PDPK1: variants seen among roughly 807,000 people sequenced by gnomAD.
PDPK1 encodes 3-phosphoinositide-dependent protein kinase 1.
A neutral mutation model predicts 39.8 loss-of-function variants in PDPK1; 7 were observed. That is an observed-to-expected ratio of 0.18 (90% CI 0.10 to 0.33). The LOEUF (loss-of-function observed/expected upper bound fraction) is 0.33. Among genes scored for constraint, PDPK1 ranks in the 10% least tolerant of loss-of-function variants. The probability of loss-of-function intolerance (pLI) is 1.00; values close to 1 mark genes in which losing one functional copy is unlikely to be tolerated. For missense variants in PDPK1, 182 were observed against 384.7 expected, an observed-to-expected ratio of 0.47 and a Z score of 4.41; for synonymous variants, 118 against 159.1, an observed-to-expected ratio of 0.74 and a Z score of 1.95.
At chr16:2,592,933 G>C (rs775545190) in intron 11 of PDPK1, 1 of 456,720 alleles carries the variant, frequency 2.2e-6, no homozygotes, top group Non-Finnish European at 4.4e-6. Flanking sequence ...CGTGGTGCTG[G>C]CGTGTTCTGT....
At chr16:2,542,272 GCC>G (rs1287317533) in intron 1 of PDPK1, among the ~76,000 whole-genome samples, 1 of 152,204 alleles carries the variant, frequency 6.6e-6, no homozygotes, top group Non-Finnish European at 1.5e-5. Context: ...TGATTCTCGT[GCC>G]TCAGGCTCCC....
chr16:2,587,386 C>T (rs1020867806), intron 11 of PDPK1, among the ~76,000 whole-genome samples: 1 of 152,320 alleles, frequency 6.6e-6, no homozygotes, highest in Admixed American at 6.5e-5. Flanking sequence ...TGTTTTGATG[C>T]TCCAAAAACA....
At chr16:2,594,751 C>G (rs898373886) in intron 11 of PDPK1, among the ~76,000 whole-genome samples, 2 of 152,132 alleles carry the variant, frequency 1.3e-5, no homozygotes, top group Non-Finnish European at 2.9e-5. Flanking sequence ...GAGGCCGAGG[C>G]AGGCGGATCA....
At chr16:2,588,991 C>G (rs926042688) in intron 11 of PDPK1, among the ~76,000 whole-genome samples, 3 of 152,156 alleles carry the variant, frequency 2.0e-5, no homozygotes, top group Non-Finnish European at 4.4e-5. Flanking sequence ...GAGTCTTGCT[C>G]TGTCGCCCAG....
chr16:2,562,351 TCTC>T (rs1182214570), intron 4 of PDPK1: 1 of 123,842 alleles, frequency 8.1e-6, no homozygotes, highest in East Asian at 2.9e-4. Flanking sequence ...CATCTGCTCT[TCTC>T]CTCCCCCGCC....
At chr16:2,579,383 G>A (rs1451864976) in intron 7 of PDPK1, 1 of 87,554 alleles carries the variant, frequency 1.1e-5, no homozygotes, top group African/African-American at 4.8e-5. Context: ...TACTTTCAGG[G>A]CGGAGGGCCA....
At chr16:2,591,312 C>G (rs771593699) in intron 11 of PDPK1, among the ~76,000 whole-genome samples, 3 of 152,158 alleles carry the variant, frequency 2.0e-5, no homozygotes, top group Non-Finnish European at 4.4e-5. Flanking sequence ...AATTTGTCAA[C>G]GTTTGGAAGC....
chr16:2,539,121 G>A lies in PDPK1; in HGVS notation c.24+985G>A, dbSNP rs72768733. The A allele has an allele frequency of 3.1e-3, 631 of 200,662 alleles. 5 individuals carry two copies. The highest frequency in any genetic ancestry group is 3.6e-3 in the Non-Finnish European group (369 of 103,018). The allele number at this position is 200,662 out of a possible 1,614,324, so 12.4% of individuals were successfully genotyped here. On this transcript the variant is annotated intron_variant, in intron 1 of 13. Transcript: ENST00000342085. ...TTTGATGGAGTCTCCCTCTCGACGCGCAGGCTGGAGTGCAGTGATGCGATC... is the reference window on the plus strand; with the variant it reads ...TTTGATGGAGTCTCCCTCTCGACGCACAGGCTGGAGTGCAGTGATGCGATC...
chr16:2,592,883 G>T (rs1289861196), intron 11 of PDPK1: 1 of 456,670 alleles, frequency 2.2e-6, no homozygotes, highest in East Asian at 7.0e-5. Context: ...CTGGCGCGGG[G>T]GTGGGTGGCG....
intron 1 of PDPK1, among the ~76,000 whole-genome samples, chr16:2,551,692 G>A (rs941985839): frequency 2.8e-5 from 4 of 145,424 alleles, no homozygotes; most frequent in African/African-American, 1.0e-4. Context: ...TTTAGACGGA[G>A]TTTCGCTTTT....
In PDPK1 at chr16:2,558,526, G is replaced by C. The variant is rs555731144; in HGVS notation, c.285+563G>C. Among the ~76,000 whole-genome samples, 349 of 150,492 alleles carry C rather than the reference G, an allele frequency of 2.3e-3. 17 individuals carry two copies. The highest frequency in any genetic ancestry group is 8.0e-3 in the African/African-American group (318 of 39,946). On this transcript the variant is annotated intron_variant, in intron 2 of 13. Coordinates refer to ENST00000342085, the MANE Select transcript of PDPK1 (RefSeq NM_002613.5). ...GTCGCAGTACTGTCAAGTCACACTT[G>C]TTACCTGTCTTCGGGGTGTTTTTTC...
intron 11 of PDPK1, among the ~76,000 whole-genome samples, chr16:2,588,326 C>T (rs1023997364): frequency 4.6e-5 from 7 of 152,252 alleles, no homozygotes; most frequent in Middle Eastern, 3.4e-3. Context: ...TGCTGTGCTG[C>T]GCAGCTCCAA....
At chr16:2,546,070 G>T (rs1220165726) in intron 1 of PDPK1, among the ~76,000 whole-genome samples, 1 of 152,096 alleles carries the variant, frequency 6.6e-6, no homozygotes, top group Non-Finnish European at 1.5e-5. Context: ...TACTGCTTAG[G>T]AGATGATGAG....
In PDPK1 at chr16:2,538,066, G is replaced by C. The variant is rs1307391984; in HGVS notation, c.-47G>C. On this transcript the variant is annotated 5_prime_UTR_variant, in exon 1 of 14. Coordinates refer to ENST00000342085, the MANE Select transcript of PDPK1 (RefSeq NM_002613.5). ...GGGAGGAGGACGCTGAGGAGGCGCC[G>C]AGCCGCGCAGCGCTGCGGGGGAGGC... is the stretch of plus-strand genomic sequence containing the variant. The C allele has an allele frequency of 1.0e-6, 1 of 980,948 alleles. No individual in the cohort carries two copies. Among genetic ancestry groups the C allele is most frequent in the Non-Finnish European group, 1.2e-6 (1 of 811,024 alleles). The allele number at this position is 980,948 out of a possible 1,614,324, so 60.8% of individuals were successfully genotyped here.
chr16:2,539,062 G>T, intron 1 of PDPK1: 2 of 196,878 alleles, frequency 1.0e-5, no homozygotes, highest in South Asian at 6.2e-5. Flanking sequence ...TTGATCCCGT[G>T]TCTTCCAGGA....
At chr16:2,588,516 C>G (rs537682322) in intron 11 of PDPK1, among the ~76,000 whole-genome samples, 1 of 152,252 alleles carries the variant, frequency 6.6e-6, no homozygotes, top group African/African-American at 2.4e-5. Flanking sequence ...TTGGTGACTC[C>G]CAGAAGAGGC....
intron 10 of PDPK1, among the ~76,000 whole-genome samples, chr16:2,585,106 T>A (rs2238375): frequency 6.6e-6 from 1 of 152,156 alleles, no homozygotes; most frequent in Non-Finnish European, 1.5e-5. Flanking sequence ...TTGTCTCCAG[T>A]CTCAATGCCT....
intron 1 of PDPK1, among the ~76,000 whole-genome samples, chr16:2,545,038 ATTT>A (rs1233218927): frequency 7.4e-6 from 1 of 134,846 alleles, no homozygotes; most frequent in Non-Finnish European, 1.6e-5. Context: ...TTAACATTGC[ATTT>A]TTTTTTTTTT....
At position 2,544,344 on chromosome 16, in the gene PDPK1, G is replaced by A. The variant is rs570269701; in HGVS notation, c.24+6208G>A. Among the ~76,000 whole-genome samples the A allele has an allele frequency of 1.4e-4, 21 of 152,324 alleles. 1 individual carries two copies. The South Asian group carries it at 3.7e-3, about 27-fold the overall frequency. On this transcript the variant is annotated intron_variant, in intron 1 of 13. Coordinates refer to ENST00000342085, the MANE Select transcript of PDPK1 (RefSeq NM_002613.5). ...CAGTGGTTTCCTGGGCCAGTGGGAT[G>A]AGGACCACACATTGAGCTAGCAGTG...
Sources: gnomAD v4.1 joint callset for allele counts (sites outside exome capture counted in the v4.1 genomes callset) on GRCh38, gnomAD v4.1.1 for gene constraint, MANE v1.5 for transcripts, NCBI Gene and HGNC (gene_info 2026-07-23, HGNC 2026-07-21) for gene names.